Variants in BNC2 observed in about 807,000 individuals in gnomAD.
The protein encoded by BNC2 is basonuclin zinc finger protein 2, also known as zinc finger protein basonuclin-2.
BNC2 carries 20 observed loss-of-function variants against 76.3 expected under a neutral mutation model. That is an observed-to-expected ratio of 0.26 (90% CI 0.18 to 0.38). The LOEUF (loss-of-function observed/expected upper bound fraction) is 0.38. Among genes scored for constraint, BNC2 ranks in the 10% least tolerant of loss-of-function variants. BNC2 has a pLI of 1.00. For missense variants in BNC2, 1,382 were observed against 1,399.8 expected, an observed-to-expected ratio of 0.99 and a Z score of 0.20; for synonymous variants, 582 against 514.8, an observed-to-expected ratio of 1.13 and a Z score of -1.77.
rs1181166093 is a variant in BNC2, at chr9:16,419,385, G to C, written c.2904C>G (p.Leu968=). The part of the protein sequence containing the change: ...MVLDLSTTSS[L]QSSSSIHSSR... ...AGGAATGGATACTGCTGCTGGACTG[G>C]AGGCTGGAGGTGGTGCTCAAGTCAA... Residue 968 remains leucine (L), a synonymous_variant, in exon 7 of 7, where the codon CTC becomes CTG. Transcript: ENST00000380672. 6 of 1,602,384 alleles carry C rather than the reference G, an allele frequency of 3.7e-6. No homozygotes were observed. Among genetic ancestry groups the C allele is most frequent in the South Asian group, 1.1e-5 (1 of 89,172 alleles).
At chr9:16,553,973 A>C (rs972085908) in intron 4 of BNC2, among the ~76,000 whole-genome samples, 1 of 152,204 alleles carries the variant, frequency 6.6e-6, no homozygotes, top group Non-Finnish European at 1.5e-5. Context: ...ATGCCCATTT[A>C]GGAATTAAAC....
intron 2 of BNC2, among the ~76,000 whole-genome samples, chr9:16,733,016 T>C (rs1824560139): frequency 6.6e-6 from 1 of 152,174 alleles, no homozygotes; most frequent in Non-Finnish European, 1.5e-5. Flanking sequence ...AAACCAGACT[T>C]TACCATGTAA....
intron 5 of BNC2, among the ~76,000 whole-genome samples, chr9:16,524,429 A>G (rs1254080493): frequency 1.3e-5 from 2 of 152,172 alleles, no homozygotes; most frequent in African/African-American, 2.4e-5. Context: ...ACTTCTGACA[A>G]GTTCCCTAAG....
intron 5 of BNC2, among the ~76,000 whole-genome samples, chr9:16,513,734 C>T (rs1040578481): frequency 3.3e-5 from 5 of 152,204 alleles, no homozygotes; most frequent in African/African-American, 7.2e-5. Flanking sequence ...AGTCCATAGT[C>T]GGGAAGGACC....
chr9:16,747,083 A>T (rs1466183176), intron 1 of BNC2, among the ~76,000 whole-genome samples: 1 of 152,212 alleles, frequency 6.6e-6, no homozygotes, highest in Non-Finnish European at 1.5e-5. Flanking sequence ...CACGCAAAGA[A>T]ATACAAAGTA....
intron 5 of BNC2, among the ~76,000 whole-genome samples, chr9:16,440,273 A>G (rs1248912798): frequency 6.6e-6 from 1 of 152,120 alleles, no homozygotes; most frequent in Non-Finnish European, 1.5e-5. Flanking sequence ...TGTCCACAGT[A>G]CTCAGTGGCT....
intron 5 of BNC2, among the ~76,000 whole-genome samples, chr9:16,474,463 T>C (rs1191940763): frequency 1.3e-5 from 2 of 152,114 alleles, no homozygotes; most frequent in East Asian, 1.9e-4. Flanking sequence ...TTTCTTTCTT[T>C]TGTTTTGTAA....
At chr9:16,577,436 G>C (rs953382147) in intron 4 of BNC2, among the ~76,000 whole-genome samples, 1 of 151,962 alleles carries the variant, frequency 6.6e-6, no homozygotes, top group African/African-American at 2.4e-5. Context: ...AAACCATAAA[G>C]CTGGTTGGTA....
chr9:16,487,080 C>G (rs1253425051), intron 5 of BNC2, among the ~76,000 whole-genome samples: 1 of 152,120 alleles, frequency 6.6e-6, no homozygotes, highest in Non-Finnish European at 1.5e-5. Context: ...TCTATATTCC[C>G]CTTTTACAGA....
intron 4 of BNC2, among the ~76,000 whole-genome samples, chr9:16,566,792 T>C (rs1819182546): frequency 6.6e-6 from 1 of 152,136 alleles, no homozygotes; most frequent in Non-Finnish European, 1.5e-5. Context: ...AGTAAGACTG[T>C]AAGAAGAGCA....
chr9:16,661,494 G>C (rs1319474200), intron 3 of BNC2, among the ~76,000 whole-genome samples: 1 of 152,228 alleles, frequency 6.6e-6, no homozygotes, highest in South Asian at 2.1e-4. Context: ...ATGTATTATA[G>C]AAGACTCTGG....
intron 3 of BNC2, chr9:16,726,973 C>A (rs889715374): frequency 6.6e-6 from 1 of 152,266 alleles, no homozygotes; most frequent in Non-Finnish European, 1.5e-5. Context: ...CCGCCGGCTC[C>A]GGTGATTAAT....
chr9:16,729,729 AAC>A (rs1824452658), intron 2 of BNC2, among the ~76,000 whole-genome samples: 1 of 152,158 alleles, frequency 6.6e-6, no homozygotes. Flanking sequence ...GTCAATTGTC[AAC>A]AGTGACTGTA....
At chr9:16,753,984 A>G (rs1013964197) in intron 1 of BNC2, among the ~76,000 whole-genome samples, 19 of 152,264 alleles carry the variant, frequency 1.2e-4, no homozygotes, top group African/African-American at 3.8e-4. Context: ...GTCACAACCA[A>G]TGGGGTCCAT....
At chr9:16,690,243 T>C (rs564523158) in intron 3 of BNC2, among the ~76,000 whole-genome samples, 14 of 152,192 alleles carry the variant, frequency 9.2e-5, no homozygotes, top group African/African-American at 3.4e-4. Context: ...CATGTAATCC[T>C]AGCACTTAGG....
chr9:16,574,890 G>T (rs935694193), intron 4 of BNC2, among the ~76,000 whole-genome samples: 1 of 152,074 alleles, frequency 6.6e-6, no homozygotes, highest in African/African-American at 2.4e-5. Context: ...CTTAGAGAAG[G>T]CATTACTAAC....
chr9:16,529,381 A>C (rs1817909050), intron 5 of BNC2, among the ~76,000 whole-genome samples: 1 of 152,198 alleles, frequency 6.6e-6, no homozygotes, highest in South Asian at 2.1e-4. Context: ...CCACAGATAC[A>C]TGATAATGAT....
At chr9:16,580,251 C>G (rs982987088) in intron 4 of BNC2, 5 of 398,002 alleles carry the variant, frequency 1.3e-5, no homozygotes, top group Non-Finnish European at 1.8e-5. Flanking sequence ...GCCAACCCCT[C>G]ACTGCTGTAT....
intron 5 of BNC2, among the ~76,000 whole-genome samples, chr9:16,528,441 G>A (rs945186740): frequency 4.6e-5 from 7 of 152,102 alleles, no homozygotes; most frequent in Non-Finnish European, 1.0e-4. Flanking sequence ...AGAACACTGA[G>A]TTGAGAGGAA....
Sources: allele counts gnomAD v4.1 joint callset (sites outside exome capture counted in the v4.1 genomes callset), GRCh38; gene constraint gnomAD v4.1.1; transcripts MANE v1.5; gene names NCBI Gene and HGNC (gene_info 2026-07-23, HGNC 2026-07-21).